The following SNX29 variants were observed in gnomAD, a reference collection of about 807,000 sequenced individuals.
SNX29 encodes sorting nexin-29.
In SNX29, 78 loss-of-function variants were observed where a neutral mutation model predicts 102.1. The observed-to-expected ratio is 0.76, with a 90% CI of 0.64 to 0.92. The LOEUF (loss-of-function observed/expected upper bound fraction) is 0.92. Ranked by LOEUF, SNX29 falls within the 40% of genes least tolerant of loss-of-function variation. The pLI is 0.00. For missense variants in SNX29, 1,280 were observed against 1,061.7 expected (o/e 1.21, Z -2.86); for synonymous variants, 580 against 414.5 (o/e 1.40, Z -4.85).
At chr16:12,276,715 G>T (rs1596726913) in intron 14 of SNX29, among the ~76,000 whole-genome samples, 1 of 152,136 alleles carries the variant, frequency 6.6e-6, no homozygotes, top group East Asian at 1.9e-4. Flanking sequence ...GGTGTGGGAG[G>T]TCTTCCCTGT....
chr16:12,088,985 G>A (rs907641950), intron 11 of SNX29, among the ~76,000 whole-genome samples: 3 of 152,102 alleles, frequency 2.0e-5, no homozygotes, highest in Non-Finnish European at 2.9e-5. Context: ...GTACTAGGGG[G>A]CTGAGGCAGA....
At chr16:12,022,687 C>G (rs1439153571) in intron 3 of SNX29, among the ~76,000 whole-genome samples, 2 of 152,054 alleles carry the variant, frequency 1.3e-5, no homozygotes, top group African/African-American at 4.8e-5. Context: ...TGTTCCTTGA[C>G]TTATGATGGG....
At chr16:12,175,358 G>T (rs908490492) in intron 13 of SNX29, among the ~76,000 whole-genome samples, 8 of 152,106 alleles carry the variant, frequency 5.3e-5, no homozygotes, top group Non-Finnish European at 1.2e-4. Context: ...TAAGTGGGGG[G>T]CTGGCCGGGC....
chr16:12,301,620 T>TA (rs1304567732), intron 15 of SNX29, among the ~76,000 whole-genome samples: 5 of 152,240 alleles, frequency 3.3e-5, no homozygotes, highest in African/African-American at 1.2e-4. Flanking sequence ...CTCGATTACG[T>TA]CGTTGTTGGC....
intron 15 of SNX29, among the ~76,000 whole-genome samples, chr16:12,318,379 G>A (rs903422149): frequency 7.2e-5 from 11 of 152,162 alleles, no homozygotes; most frequent in Admixed American, 3.9e-4. Context: ...ATCGTTTGCC[G>A]GATGGGAACC....
At chr16:12,443,613 G>T (rs2085908424) in intron 18 of SNX29, among the ~76,000 whole-genome samples, 1 of 152,180 alleles carries the variant, frequency 6.6e-6, no homozygotes, top group Non-Finnish European at 1.5e-5. Flanking sequence ...GCCATGACTG[G>T]CTAACTTTTG....
chr16:12,124,217 G>T (rs1485074538), intron 11 of SNX29, among the ~76,000 whole-genome samples: 2 of 152,070 alleles, frequency 1.3e-5, no homozygotes, highest in African/African-American at 2.4e-5. Flanking sequence ...TTAGCCAGGC[G>T]TGGTGGCAGG....
chr16:12,277,429 C>A (rs1252357381), intron 14 of SNX29, among the ~76,000 whole-genome samples: 1 of 152,056 alleles, frequency 6.6e-6, no homozygotes, highest in East Asian at 1.9e-4. Context: ...AACCTCCACC[C>A]CCCAAAACAA....
At chr16:12,444,279 ACC>A (rs1378185956) in intron 18 of SNX29, among the ~76,000 whole-genome samples, 3 of 21,688 alleles carry the variant, frequency 1.4e-4, no homozygotes, top group Non-Finnish European at 2.5e-4. Context: ...TCAGTATAGC[ACC>A]TAGCATGTAG....
At chr16:12,114,931 G>A (rs1478405757) in intron 11 of SNX29, among the ~76,000 whole-genome samples, 1 of 152,216 alleles carries the variant, frequency 6.6e-6, no homozygotes, top group Non-Finnish European at 1.5e-5. Flanking sequence ...GGTCGAATGA[G>A]ATAATTGACA....
intron 14 of SNX29, among the ~76,000 whole-genome samples, chr16:12,237,573 C>A (rs1567343633): frequency 2.0e-5 from 3 of 151,720 alleles, no homozygotes; most frequent in Non-Finnish European, 4.4e-5. Flanking sequence ...GAGTTTGAGA[C>A]CAGACTGGGC....
At chr16:12,464,273 TTA>T (rs1417701178) in intron 18 of SNX29, among the ~76,000 whole-genome samples, 3 of 148,630 alleles carry the variant, frequency 2.0e-5, no homozygotes, top group African/African-American at 7.5e-5. Context: ...TGTGGCATGT[TTA>T]TGTGTGTGTA....
intron 14 of SNX29, among the ~76,000 whole-genome samples, chr16:12,204,082 G>T (rs537606730): frequency 6.6e-6 from 1 of 152,140 alleles, no homozygotes; most frequent in Admixed American, 6.5e-5. Context: ...GACTGGGGCC[G>T]CTGTAGTCAG....
At chr16:12,051,708 T>G in intron 7 of SNX29, 139 bp from the exon 8 acceptor site, 1 of 1,280,036 alleles carries the variant, frequency 7.8e-7, no homozygotes, top group Non-Finnish European at 1.1e-6. Context: ...CACTGAGGAT[T>G]TTAAAAAGTC....
intron 20 of SNX29, among the ~76,000 whole-genome samples, chr16:12,555,779 C>T (rs1027694450): frequency 9.2e-5 from 14 of 151,930 alleles, no homozygotes; most frequent in Non-Finnish European, 1.9e-4. Context: ...TGCTCAGTGG[C>T]ACCAGGCAGG....
chr16:12,030,933 G>T (rs540611300), intron 4 of SNX29, among the ~76,000 whole-genome samples: 44 of 152,102 alleles, frequency 2.9e-4, no homozygotes, highest in African/African-American at 9.7e-4. Flanking sequence ...CTCCTGCCAC[G>T]CCCCTGCCTT....
intron 11 of SNX29, among the ~76,000 whole-genome samples, chr16:12,101,076 T>G (rs1480300983): frequency 6.6e-6 from 1 of 152,196 alleles, no homozygotes; most frequent in Non-Finnish European, 1.5e-5. Context: ...GTCTTTCAGC[T>G]GTTACTTCAT....
intron 14 of SNX29, among the ~76,000 whole-genome samples, chr16:12,239,764 G>A (rs1375505794): frequency 6.6e-6 from 1 of 151,632 alleles, no homozygotes; most frequent in Non-Finnish European, 1.5e-5. Flanking sequence ...GGGCTACCGT[G>A]AGCTGGTGTC....
Position 12,014,430 on chromosome 16 carries a change from G to A in SNX29, c.122+11387G>A, listed in dbSNP as rs1300012824. Among the ~76,000 whole-genome samples, 7 of 151,914 alleles carry A rather than the reference G, an allele frequency of 4.6e-5. No individual in the cohort carries two copies. The East Asian group carries it at 1.2e-3, about 25-fold the overall frequency. On this transcript the variant is annotated intron_variant, in intron 3 of 20. Transcript: ENST00000566228. ...GGGAGGACAATTATTGTTTATATTA[G>A]TAACATTTGGAAATTATCAGAGCCG...
Sources: allele counts gnomAD v4.1 joint callset (sites outside exome capture counted in the v4.1 genomes callset), GRCh38; gene constraint gnomAD v4.1.1; transcripts MANE v1.5; gene names NCBI Gene and HGNC (gene_info 2026-07-23, HGNC 2026-07-21).